CCDC27: variants seen among roughly 807,000 people sequenced by gnomAD.
The protein encoded by CCDC27 is coiled-coil domain containing 27.
CCDC27 carries 80 observed loss-of-function variants against 80.3 expected under a neutral mutation model. That is an observed-to-expected ratio of 1.00 (90% confidence interval 0.83 to 1.20). The LOEUF is 1.20. Among genes scored for constraint, CCDC27 ranks in the 50% most tolerant of loss-of-function variants. CCDC27 has a pLI of 0.00. For synonymous variants in CCDC27, 342 were observed against 334.3 expected (o/e 1.02, Z -0.25); for missense variants, 815 against 809.4 (o/e 1.01, Z -0.08).
intron 5 of CCDC27, among the ~76,000 whole-genome samples, chr1:3,762,281 C>G (rs1408398141): frequency 6.6e-6 from 1 of 152,162 alleles, no homozygotes; most frequent in Non-Finnish European, 1.5e-5. Context: ...TCTGTCCTCC[C>G]CAGGCTGCTG....
In CCDC27 at chr1:3,763,533, C is replaced by T; in HGVS notation, c.1321+59C>T. 6.5e-7 allele frequency: 1 copy of T among 1,548,970 alleles called. No homozygotes were observed. The highest frequency in any genetic ancestry group is 1.2e-5 in the South Asian group (1 of 80,170). The stretch of plus-strand genomic sequence containing the variant: ...CACTCAGTGGTTCCCGGCCCAGGAG[C>T]TGGGACGCCCAGACGCTGCCTGCTC... On this transcript the variant is annotated intron_variant, in intron 7 of 11. Transcript: ENST00000294600. The surrounding 1 kb of genome is among the most constrained non-coding windows in gnomAD (Gnocchi z 7.5).
At position 3,766,987 on chromosome 1, in the gene CCDC27, C is replaced by G. The variant is rs1643241645; in HGVS notation, c.1531-246C>G. ...TCCCGAGTAGCTGGGACTACCAGCA[C>G]TTGCCATCATGCCCAGCTAATTTTT... On this transcript the variant is annotated intron_variant, in intron 9 of 11. Coordinates refer to ENST00000294600, the MANE Select transcript of CCDC27 (RefSeq NM_152492.3). This position sits in a 1 kb window ranked among gnomAD's most constrained non-coding sequence, Gnocchi z 6.1. 6.6e-6 allele frequency among the ~76,000 whole-genome samples: 1 copy of G among 152,094 alleles called. No individual in the cohort carries two copies. Among genetic ancestry groups the G allele is most frequent in the South Asian group, 2.1e-4 (1 of 4,818 alleles).
chr1:3,764,291 G>A (rs562167444), intron 8 of CCDC27, among the ~76,000 whole-genome samples: 8 of 152,152 alleles, frequency 5.3e-5, no homozygotes, highest in East Asian at 3.9e-4. Context: ...ATAGTTCCAC[G>A]AGGCCTGTCA....
rs1401087357 is a variant in CCDC27, at chr1:3,768,872, G to T, written c.1744-911G>T. Among the ~76,000 whole-genome samples the T allele has an allele frequency of 2.0e-5, 3 of 152,184 alleles. No homozygotes were observed. Among genetic ancestry groups the T allele is most frequent in the Non-Finnish European group, 4.4e-5 (3 of 68,036 alleles). ...CCTCACGACCTCCAGCACCTGGCAC[G>T]GTGTTTGTACAAAGTTGGGCGCTCA... On this transcript the variant is annotated intron_variant, in intron 10 of 11. Transcript: ENST00000294600. This position sits in a 1 kb window ranked among gnomAD's most constrained non-coding sequence, Gnocchi z 5.6.
chr1:3,765,696 C>A (rs751239259), intron 8 of CCDC27, among the ~76,000 whole-genome samples: 1 of 152,100 alleles, frequency 6.6e-6, no homozygotes, highest in Non-Finnish European at 1.5e-5. Context: ...CTTCTTGCAC[C>A]ACTTCTATTT....
intron 4 of CCDC27, among the ~76,000 whole-genome samples, chr1:3,758,216 A>T (rs1423306622): frequency 6.6e-6 from 1 of 152,088 alleles, no homozygotes; most frequent in African/African-American, 2.4e-5. Context: ...TTTGAGACAG[A>T]GTCTCTCTCT....
chr1:3,767,929 C>T (rs1317440718), intron 10 of CCDC27, among the ~76,000 whole-genome samples: 2 of 152,146 alleles, frequency 1.3e-5, no homozygotes, highest in Non-Finnish European at 2.9e-5. Context: ...AAAGGATGAA[C>T]AGTCCCCCTG....
chr1:3,755,063 A>ACTG (rs1388455049), intron 2 of CCDC27, among the ~76,000 whole-genome samples: 1 of 152,224 alleles, frequency 6.6e-6, no homozygotes, highest in Non-Finnish European at 1.5e-5. Flanking sequence ...GCGTCTACAT[A>ACTG]CTGCTCATAG....
intron 2 of CCDC27, 95 bp from the exon 3 acceptor site, chr1:3,755,362 T>C (rs919888449): frequency 5.7e-6 from 6 of 1,056,740 alleles, no homozygotes; most frequent in Non-Finnish European, 8.8e-6. Flanking sequence ...CCTGTGTCCC[T>C]ACCTGGTGTT....
At position 3,763,932 on chromosome 1, in the gene CCDC27, C is replaced by G. The variant is rs1169678622; in HGVS notation, c.1452+96C>G. The G allele has an allele frequency of 6.6e-6, 10 of 1,504,534 alleles. No homozygotes were observed. In the South Asian group the frequency reaches 1.0e-4, roughly 15 times the overall value. 93.2% of individuals were successfully genotyped at this position (1,504,534 alleles called of 1,614,324 possible). A position where few individuals can be genotyped will look rare whatever the true frequency, so the allele number is the denominator to read the frequency against. On this transcript the variant is annotated intron_variant, in intron 8 of 11. Coordinates refer to ENST00000294600, the MANE Select transcript of CCDC27 (RefSeq NM_152492.3). The surrounding 1 kb of genome is among the most constrained non-coding windows in gnomAD (Gnocchi z 7.5). ...TCGGGGCAGGCGCTGCCCGTCCCAT[C>G]TACTGATGGAGACTTTGAGCCTGGG...
Position 3,761,340 on chromosome 1 carries a change from G to GGAT in CCDC27, c.771_772insGAT (p.Leu257_Leu258insAsp). ...AGAAGAAAGACGAGGAGATCCTGCT[G>GGAT]CTCCAGGAGGAGAGGGAGGCCCTGA... On this transcript the variant is annotated inframe_insertion, in exon 5 of 12. Transcript: ENST00000294600. The surrounding 1 kb of genome is among the most constrained non-coding windows in gnomAD (Gnocchi z 5.0). The GGAT allele has an allele frequency of 6.2e-7, 1 of 1,614,174 alleles. No individual in the cohort carries two copies. Among genetic ancestry groups the GGAT allele is most frequent in the Non-Finnish European group, 8.5e-7 (1 of 1,180,036 alleles).
chr1:3,764,018 G>A (rs1347369979), intron 8 of CCDC27, among the ~76,000 whole-genome samples, 182 bp downstream of exon 8: 1 of 152,184 alleles, frequency 6.6e-6, no homozygotes, highest in African/African-American at 2.4e-5. Context: ...GATTCCCCAA[G>A]GTGTGTGGGA....
At chr1:3,767,581 A>C in intron 10 of CCDC27, 136 bp downstream of exon 10, 1 of 684,056 alleles carries the variant, frequency 1.5e-6, no homozygotes, top group East Asian at 2.7e-5. Context: ...CGTGTACACC[A>C]GCATCCACAC....
In CCDC27 at chr1:3,763,750, C is replaced by G. The variant is rs774838036; in HGVS notation, c.1366C>G (p.Gln456Glu). 38 of 1,614,024 alleles carry G rather than the reference C, an allele frequency of 2.4e-5. No individual in the cohort carries two copies. Among genetic ancestry groups the G allele is most frequent in the Non-Finnish European group, 2.3e-5 (27 of 1,180,004 alleles). Reference sequence around the variant, plus strand: ...ACAACAAGTGGATTTCCAAGAAACCCAGCTGCGAAAGATCAATACGGAAAA... The same window carrying G: ...ACAACAAGTGGATTTCCAAGAAACCGAGCTGCGAAAGATCAATACGGAAAA... ...LQQQVDFQET[Q>E]LRKINTENET... is the part of the protein sequence containing the mutation. The change falls in exon 8 of 12, where the codon CAG becomes GAG. Residue 456 changes from glutamine (Q) to glutamate (E), a missense_variant. By Grantham distance (29) the Gln-to-Glu change is conservative (BLOSUM62 2). Transcript: ENST00000294600. This position sits in a 1 kb window ranked among gnomAD's most constrained non-coding sequence, Gnocchi z 7.5.
chr1:3,761,578 A>C lies in CCDC27; in HGVS notation c.861+148A>C. Reference sequence around the variant, plus strand: ...CTCACTGGAACGTGGACCGGTTCTCAGGGTTCTGATCAACAGGCAGGGGAG... The same window carrying C: ...CTCACTGGAACGTGGACCGGTTCTCCGGGTTCTGATCAACAGGCAGGGGAG... On this transcript the variant is annotated intron_variant, in intron 5 of 11. Transcript: ENST00000294600. The surrounding 1 kb of genome is among the most constrained non-coding windows in gnomAD (Gnocchi z 5.0). 4.3e-6 allele frequency: 4 copies of C among 932,968 alleles called. No individual in the cohort carries two copies. The highest frequency in any genetic ancestry group is 4.7e-6 in the Non-Finnish European group (3 of 639,796). The allele number at this position is 932,968 out of a possible 1,614,324, so 57.8% of individuals were successfully genotyped here.
rs59381825 is a variant in CCDC27, at chr1:3,763,917, C to T, written c.1452+81C>T. On this transcript the variant is annotated intron_variant, in intron 8 of 11. Coordinates refer to ENST00000294600, the MANE Select transcript of CCDC27 (RefSeq NM_152492.3). The surrounding 1 kb of genome is among the most constrained non-coding windows in gnomAD (Gnocchi z 7.5). ...TTAACCCCCGGCAGCTCGGGGCAGG[C>T]GCTGCCCGTCCCATCTACTGATGGA... 7.4e-3 allele frequency: 11,309 copies of T among 1,537,024 alleles called. 647 individuals carry two copies. The African/African-American group carries it at 0.13, about 18-fold the overall frequency.
rs375804675 is a variant in CCDC27 at position 3,761,246 on chromosome 1, T to G, written c.712-35T>G. On this transcript the variant is annotated intron_variant, in intron 4 of 11. Transcript: ENST00000294600. The surrounding 1 kb of genome is among the most constrained non-coding windows in gnomAD (Gnocchi z 5.0). Reference sequence around the variant, plus strand: ...GTCAGGGGAAGAGTGTGTGGCTGCATGGCCCACGGGGGCTGCCCTTGGTTT... The same window carrying G: ...GTCAGGGGAAGAGTGTGTGGCTGCAGGGCCCACGGGGGCTGCCCTTGGTTT... The G allele has an allele frequency of 1.9e-6, 3 of 1,606,324 alleles. No homozygotes were observed. Among genetic ancestry groups the G allele is most frequent in the Non-Finnish European group, 2.6e-6 (3 of 1,175,770 alleles).
rs1244926779 is a variant in CCDC27 at position 3,760,769 on chromosome 1, C to G, written c.712-512C>G. 2.0e-5 allele frequency among the ~76,000 whole-genome samples: 3 copies of G among 152,222 alleles called. No individual in the cohort carries two copies. Among genetic ancestry groups the G allele is most frequent in the African/African-American group, 7.2e-5 (3 of 41,454 alleles). The stretch of plus-strand genomic sequence containing the variant: ...TCTCTAAGTTCAGATCTGCTGGTCA[C>G]AGATTCTTTCAATTTCTGTTTGCCT... On this transcript the variant is annotated intron_variant, in intron 4 of 11. Transcript: ENST00000294600. The surrounding 1 kb of genome is among the most constrained non-coding windows in gnomAD (Gnocchi z 4.3).
chr1:3,754,223 A>C lies in CCDC27; in HGVS notation c.424A>C (p.Thr142Pro). The C allele has an allele frequency of 6.2e-7, 1 of 1,610,698 alleles. No individual in the cohort carries two copies. Among genetic ancestry groups the C allele is most frequent in the Non-Finnish European group, 8.5e-7 (1 of 1,178,610 alleles). The change falls in exon 2 of 12, where the codon ACA (threonine) becomes CCA (proline). Residue 142 changes from threonine to proline, a missense_variant. Thr to Pro is a conservative substitution (Grantham distance 38). Transcript: ENST00000294600. Reference protein sequence around the residue: ...PDCPQFSTRATSMSHCGSPTE... With the variant: ...PDCPQFSTRAPSMSHCGSPTE... ...CTGCCCCCAGTTCAGCACCAGGGCC[A>C]CATCCATGTCCCACTGTGGTAAGAG...
Sources: allele counts gnomAD v4.1 joint callset (sites outside exome capture counted in the v4.1 genomes callset), GRCh38; gene constraint gnomAD v4.1.1; non-coding constraint Gnocchi (gnomAD v3.1); transcripts MANE v1.5; gene names NCBI Gene and HGNC (gene_info 2026-07-23, HGNC 2026-07-21).